CADM1: variants seen among roughly 807,000 people sequenced by gnomAD.
The protein encoded by CADM1 is TSLC-1.
CADM1 carries 15 observed loss-of-function variants against 53.1 expected under a neutral mutation model. The observed-to-expected ratio is 0.28, with a 90% CI of 0.19 to 0.44. CADM1 has a LOEUF of 0.44. Ranked by LOEUF, CADM1 falls within the 20% of genes least tolerant of loss-of-function variation. The pLI, the probability that CADM1 is intolerant of heterozygous loss-of-function variation, is 1.00. For synonymous variants in CADM1, 281 were observed against 243.0 expected (o/e 1.16, Z -1.45); for missense variants, 434 against 611.3 (o/e 0.71, Z 3.06).
chr11:115,351,898 TCACCA>T (rs1394893564), intron 1 of CADM1, among the ~76,000 whole-genome samples: 10 of 152,154 alleles, frequency 6.6e-5, no homozygotes, highest in Non-Finnish European at 1.5e-4. Flanking sequence ...ATGGTTTTCC[TCACCA>T]CCACTTAAAC....
chr11:115,349,205 T>C (rs1339623317), intron 1 of CADM1, among the ~76,000 whole-genome samples: 6 of 152,194 alleles, frequency 3.9e-5, no homozygotes, highest in African/African-American at 1.4e-4. Context: ...GATTTAACTT[T>C]AATGCACATA....
intron 1 of CADM1, among the ~76,000 whole-genome samples, chr11:115,370,620 T>C (rs1425186993): frequency 6.6e-6 from 1 of 152,178 alleles, no homozygotes; most frequent in African/African-American, 2.4e-5. Context: ...ATCTTTCCAA[T>C]GCCTTGATCT....
intron 1 of CADM1, among the ~76,000 whole-genome samples, chr11:115,375,465 C>A (rs915116298): frequency 2.0e-5 from 3 of 152,084 alleles, no homozygotes; most frequent in Admixed American, 6.6e-5. Context: ...CTGAGCTGCA[C>A]ATTTACACTA....
At chr11:115,481,811 TAGCA>T (rs1473760398) in intron 1 of CADM1, among the ~76,000 whole-genome samples, 18 of 152,304 alleles carry the variant, frequency 1.2e-4, no homozygotes, top group African/African-American at 4.3e-4. Flanking sequence ...CCAAGCTGCC[TAGCA>T]ACTACCTGGG....
rs911492278 is a variant in CADM1, at chr11:115,471,168, G to A, written c.124+33103C>T. ...TTGACAGTTAAATTTTTTTTTCTCCGACCTATTAGTGAAATTGACAGACCA... is the reference window on the plus strand; with the variant it reads ...TTGACAGTTAAATTTTTTTTTCTCCAACCTATTAGTGAAATTGACAGACCA... On this transcript the variant is annotated intron_variant, in intron 1 of 11. Transcript: ENST00000331581. Among the ~76,000 whole-genome samples, 23 of 151,836 alleles carry A rather than the reference G, an allele frequency of 1.5e-4. No homozygotes were observed. In the South Asian group the frequency reaches 3.1e-3, roughly 21 times the overall value.
At chr11:115,191,789 A>C (rs917784991) in intron 9 of CADM1, among the ~76,000 whole-genome samples, 17 of 152,210 alleles carry the variant, frequency 1.1e-4, no homozygotes, top group African/African-American at 3.9e-4. Flanking sequence ...TTAGACATTC[A>C]ATGTGGCTTT....
chr11:115,501,442 A>G (rs1298840546), intron 1 of CADM1, among the ~76,000 whole-genome samples: 1 of 152,156 alleles, frequency 6.6e-6, no homozygotes, highest in Non-Finnish European at 1.5e-5. Context: ...CTAATCCTGA[A>G]AATGATAAGA....
At chr11:115,500,448 T>A (rs567501057) in intron 1 of CADM1, among the ~76,000 whole-genome samples, 18 of 152,216 alleles carry the variant, frequency 1.2e-4, no homozygotes, top group Non-Finnish European at 2.5e-4. Flanking sequence ...AAAAATCATT[T>A]AGCAATATAG....
chr11:115,438,446 C>G (rs111863993), intron 1 of CADM1, among the ~76,000 whole-genome samples: 1 of 152,044 alleles, frequency 6.6e-6, no homozygotes, highest in Admixed American at 6.6e-5. Context: ...TATTTTCCAA[C>G]AGATGTTCTA....
intron 1 of CADM1, among the ~76,000 whole-genome samples, chr11:115,461,268 A>G (rs1948790056): frequency 6.6e-6 from 1 of 152,242 alleles, no homozygotes; most frequent in African/African-American, 2.4e-5. Context: ...TGTAGTTGAG[A>G]TAAAGCAAAG....
At chr11:115,188,766 G>A (rs76933820) in intron 10 of CADM1, among the ~76,000 whole-genome samples, 2,285 of 152,314 alleles carry the variant, frequency 0.015, 54 homozygotes, top group African/African-American at 0.052. Context: ...CTAGGCTACA[G>A]AAATTTGAGA....
chr11:115,447,540 A>G (rs146552461), intron 1 of CADM1, among the ~76,000 whole-genome samples: 97 of 152,224 alleles, frequency 6.4e-4, no homozygotes, highest in African/African-American at 2.2e-3. Context: ...ACACAAGGTT[A>G]ATCTTTATCA....
At chr11:115,453,010 C>G (rs1256540232) in intron 1 of CADM1, among the ~76,000 whole-genome samples, 1 of 152,026 alleles carries the variant, frequency 6.6e-6, no homozygotes, top group Non-Finnish European at 1.5e-5. Context: ...TAAATTTTAT[C>G]TAACTAACCA....
rs754215658 is a variant in CADM1 at position 115,190,919 on chromosome 11, G to A, written c.1134C>T (p.Ser378=). 1.2e-4 allele frequency: 197 copies of A among 1,594,534 alleles called. No individual in the cohort carries two copies. The highest frequency in any genetic ancestry group is 1.5e-4 in the Non-Finnish European group (178 of 1,178,224). ...AVHGLTQLPN[S]AEELDSEDLS... is the part of the protein sequence containing the mutation. ...GGTCCTCACTGTCCAGTTCTTCTGC[G>A]GAATTGGGCAACTGAGTAAGGCCTT... is the stretch of plus-strand genomic sequence containing the variant. Residue 378 remains serine (S), a synonymous_variant, in exon 10 of 12, where the codon TCC becomes TCT. Coordinates refer to ENST00000331581, the MANE Select transcript of CADM1 (RefSeq NM_001301043.2).
intron 8 of CADM1, among the ~76,000 whole-genome samples, chr11:115,201,014 A>G (rs1940397109): frequency 6.6e-6 from 1 of 152,208 alleles, no homozygotes; most frequent in Non-Finnish European, 1.5e-5. Flanking sequence ...AAATAAATGA[A>G]GGAAAATCCA....
At chr11:115,291,202 G>A (rs1446684131) in intron 1 of CADM1, among the ~76,000 whole-genome samples, 1 of 152,012 alleles carries the variant, frequency 6.6e-6, no homozygotes, top group African/African-American at 2.4e-5. Flanking sequence ...GTGTGTTCCA[G>A]GAAATGATTA....
chr11:115,338,872 TTTTTA>T (rs1419283723), intron 1 of CADM1, among the ~76,000 whole-genome samples: 1 of 35,352 alleles, frequency 2.8e-5, no homozygotes, highest in African/African-American at 6.0e-5. Context: ...TCTTTTATTT[TTTTTA>T]TTTTTTTTTT....
intron 9 of CADM1, among the ~76,000 whole-genome samples, chr11:115,198,125 T>G (rs56073641): frequency 0.26 from 38,954 of 152,090 alleles, 5,390 homozygotes; most frequent in East Asian, 0.6. Context: ...CAAGGTTTGG[T>G]GGAGTTTTGT....
intron 1 of CADM1, among the ~76,000 whole-genome samples, chr11:115,401,760 CA>C (rs1271784221): frequency 6.6e-6 from 1 of 152,132 alleles, no homozygotes; most frequent in Non-Finnish European, 1.5e-5. Flanking sequence ...ACAGAATGGA[CA>C]ACACCAAGAG....
Sources: allele counts gnomAD v4.1 joint callset (sites outside exome capture counted in the v4.1 genomes callset), GRCh38; gene constraint gnomAD v4.1.1; transcripts MANE v1.5; gene names NCBI Gene and HGNC (gene_info 2026-07-23, HGNC 2026-07-21).